The following FHL5 variants were observed in gnomAD, a reference collection of about 807,000 sequenced individuals.
FHL5 encodes four and a half LIM domains 5.
A neutral mutation model predicts 32.0 loss-of-function variants in FHL5; 33 were observed. The ratio of observed to expected loss-of-function variants is 1.03; its 90% CI spans 0.78 to 1.38. The LOEUF (loss-of-function observed/expected upper bound fraction) is 1.38. FHL5 is among the 40% of genes most tolerant of loss of function. FHL5 has a pLI of 0.00. For synonymous variants in FHL5, 114 were observed against 113.6 expected (o/e 1.00, Z -0.02); for missense variants, 336 against 343.9 (o/e 0.98, Z 0.18).
chr6:96,581,524 G>A (rs1361867630), intron 1 of FHL5, among the ~76,000 whole-genome samples: 3 of 152,186 alleles, frequency 2.0e-5, no homozygotes, highest in Admixed American at 6.5e-5. Context: ...GATGGGGCCT[G>A]TGTTACAGGT....
chr6:96,581,846 A>G (rs1411714766), intron 1 of FHL5, among the ~76,000 whole-genome samples: 1 of 152,190 alleles, frequency 6.6e-6, no homozygotes, highest in Non-Finnish European at 1.5e-5. Flanking sequence ...TGAATTTTCC[A>G]AGGAGCATGA....
Position 96,615,842 on chromosome 6 carries a change from C to T in FHL5, c.*70C>T. On this transcript the variant is annotated 3_prime_UTR_variant, in exon 6 of 6. Coordinates refer to ENST00000450218, the MANE Select transcript of FHL5 (RefSeq NM_001322466.2). Reference sequence around the variant, plus strand: ...ACTAAAGCCAGAACTCAGTTGCGGTCTTATTTTTGACTTAAGTTTTAGAAA... The same window carrying T: ...ACTAAAGCCAGAACTCAGTTGCGGTTTTATTTTTGACTTAAGTTTTAGAAA... 7.6e-7 allele frequency: 1 copy of T among 1,309,160 alleles called. No homozygotes were observed. Among genetic ancestry groups the T allele is most frequent in the African/African-American group, 1.5e-5 (1 of 66,234 alleles). 81.1% of individuals were successfully genotyped at this position (1,309,160 alleles called of 1,614,324 possible). A position where few individuals can be genotyped will look rare whatever the true frequency, so the allele number is the denominator to read the frequency against.
chr6:96,581,587 C>T (rs1770697616), intron 1 of FHL5, among the ~76,000 whole-genome samples: 1 of 152,142 alleles, frequency 6.6e-6, no homozygotes. Context: ...ATACTTCTTA[C>T]TAGATAAGCT....
chr6:96,567,927 TA>T (rs1770395595), intron 1 of FHL5, among the ~76,000 whole-genome samples: 1 of 151,340 alleles, frequency 6.6e-6, no homozygotes, highest in African/African-American at 2.4e-5. Context: ...AAGCTCTTGT[TA>T]TTTGCAAATG....
chr6:96,569,774 A>G (rs1266957718), intron 1 of FHL5, among the ~76,000 whole-genome samples: 2 of 115,980 alleles, frequency 1.7e-5, no homozygotes, highest in East Asian at 2.2e-4. Flanking sequence ...TTTTTATTCT[A>G]TATGTGTCTT....
intron 1 of FHL5, among the ~76,000 whole-genome samples, chr6:96,585,256 T>C (rs1770774349): frequency 6.6e-6 from 1 of 152,166 alleles, no homozygotes; most frequent in East Asian, 1.9e-4. Context: ...TAATATTCTT[T>C]ACACCATTTA....
intron 1 of FHL5, among the ~76,000 whole-genome samples, chr6:96,564,249 T>C (rs1770306089): frequency 6.6e-6 from 1 of 152,218 alleles, no homozygotes; most frequent in African/African-American, 2.4e-5. Context: ...CATGTGTAAA[T>C]ACTAGCATTT....
At chr6:96,586,087 G>C (rs879801879) in intron 1 of FHL5, among the ~76,000 whole-genome samples, 4 of 152,248 alleles carry the variant, frequency 2.6e-5, no homozygotes, top group Admixed American at 2.6e-4. Flanking sequence ...CATCTACAAT[G>C]GTCTTCCTCA....
intron 1 of FHL5, among the ~76,000 whole-genome samples, chr6:96,603,176 T>C (rs1771192890): frequency 6.6e-6 from 1 of 152,202 alleles, no homozygotes; most frequent in Non-Finnish European, 1.5e-5. Flanking sequence ...AAAAAGACTG[T>C]TATTTCCATC....
rs893312398 is a variant in FHL5 at position 96,606,522 on chromosome 6, T to G, written c.504+451T>G. Among the ~76,000 whole-genome samples the G allele has an allele frequency of 1.3e-5, 2 of 152,130 alleles. 1 individual carries two copies. Among genetic ancestry groups the G allele is most frequent in the South Asian group, 4.1e-4 (2 of 4,824 alleles). On this transcript the variant is annotated intron_variant, in intron 4 of 5. Transcript: ENST00000450218. ...GCGTGCCACTGTGTCCAGCTAATTT[T>G]TGTATTTTTAGTAGAGACAGGGTTT... is the stretch of plus-strand genomic sequence containing the variant.
At chr6:96,564,788 T>C (rs1463899827) in intron 1 of FHL5, among the ~76,000 whole-genome samples, 1 of 152,220 alleles carries the variant, frequency 6.6e-6, no homozygotes, top group African/African-American at 2.4e-5. Context: ...TTAAACCAGC[T>C]TGCATTTCCT....
At chr6:96,601,751 T>G (rs1320190454) in intron 1 of FHL5, among the ~76,000 whole-genome samples, 1 of 152,230 alleles carries the variant, frequency 6.6e-6, no homozygotes. Context: ...AAGGTACATA[T>G]TTTATTTCTA....
In FHL5 at chr6:96,617,367, G is replaced by A. The variant is rs1582486503; in HGVS notation, c.*1595G>A. Reference sequence around the variant, plus strand: ...TACAATTACCAAAATAGCATCACAGGAGATTCAATTAAAATTGTTATGGAA... The same window carrying A: ...TACAATTACCAAAATAGCATCACAGAAGATTCAATTAAAATTGTTATGGAA... On this transcript the variant is annotated 3_prime_UTR_variant, in exon 6 of 6. Transcript: ENST00000450218. 6.6e-6 allele frequency among the ~76,000 whole-genome samples: 1 copy of A among 152,258 alleles called. No individual in the cohort carries two copies. The highest frequency in any genetic ancestry group is 3.4e-3 in the Middle Eastern group (1 of 292).
rs1409518203 is a variant in FHL5, at chr6:96,604,855, C to T, written c.265C>T (p.Leu89=). The T allele has an allele frequency of 6.2e-7, 1 of 1,614,022 alleles. No homozygotes were observed. Among genetic ancestry groups the T allele is most frequent in the Admixed American group, 1.7e-5 (1 of 60,020 alleles). Residue 89 remains leucine (L), a synonymous_variant, in exon 3 of 6, where the codon CTG becomes TTG. Transcript: ENST00000450218. ...KPFAAKDERL[L]CTECYSNECS... ...TTTTGCTGCCAAGGATGAGCGCCTG[C>T]TGTGCACGGAGTGCTATTCTAACGA...
chr6:96,575,856 T>C (rs1451984612), intron 1 of FHL5, among the ~76,000 whole-genome samples: 4 of 152,248 alleles, frequency 2.6e-5, no homozygotes, highest in Non-Finnish European at 5.9e-5. Flanking sequence ...CTTTTCAGTA[T>C]GGTGTTTAGT....
intron 1 of FHL5, among the ~76,000 whole-genome samples, chr6:96,589,274 A>T (rs1228763386): frequency 6.6e-6 from 1 of 152,104 alleles, no homozygotes; most frequent in Admixed American, 6.5e-5. Context: ...TTCTTCCACT[A>T]TATTAAAGTT....
intron 1 of FHL5, among the ~76,000 whole-genome samples, chr6:96,569,376 A>G (rs1770427424): frequency 6.6e-6 from 1 of 152,020 alleles, no homozygotes; most frequent in African/African-American, 2.4e-5. Flanking sequence ...AGAATGTTTC[A>G]TTTTCTAATG....
rs147226482 is a variant in FHL5, at chr6:96,603,737, G to T, written c.124G>T (p.Glu42Ter). 4 of 1,610,274 alleles carry T rather than the reference G, an allele frequency of 2.5e-6. No homozygotes were observed. In the South Asian group the frequency reaches 4.4e-5, roughly 18 times the overall value. The change falls in exon 2 of 6, where the codon GAG becomes TAG. Residue 42 changes from glutamate to a stop codon, truncating the protein, a stop_gained. Coordinates refer to ENST00000450218, the MANE Select transcript of FHL5 (RefSeq NM_001322466.2). LOFTEE classifies it high-confidence loss of function. ...TGATCGTGTATTTTCTAACTATTGC[G>T]AGGAATGCAAAAAACCAATTGAATC... Reference protein sequence around the residue: ...CYDRVFSNYCEECKKPIESDS... With the variant: ...CYDRVFSNYC
At chr6:96,591,652 G>A (rs896557842) in intron 1 of FHL5, among the ~76,000 whole-genome samples, 19 of 151,574 alleles carry the variant, frequency 1.3e-4, no homozygotes, top group Non-Finnish European at 2.8e-4. Context: ...TTTTTCTGTT[G>A]AGAAGTAGGT....
Sources: gnomAD v4.1 joint callset for allele counts (sites outside exome capture counted in the v4.1 genomes callset) on GRCh38, gnomAD v4.1.1 for gene constraint, MANE v1.5 for transcripts, NCBI Gene and HGNC (gene_info 2026-07-23, HGNC 2026-07-21) for gene names.